HDAC9: variants seen among roughly 807,000 people sequenced by gnomAD.
The protein encoded by HDAC9 is histone deacetylase 9.
Under a neutral mutation model 139.4 loss-of-function variants are expected in HDAC9, and 41 were observed. The observed-to-expected ratio is 0.29, with a 90% CI of 0.23 to 0.38. HDAC9 has a LOEUF of 0.38. Among genes scored for constraint, HDAC9 ranks in the 10% least tolerant of loss-of-function variants. HDAC9 has a pLI of 1.00. For missense variants in HDAC9, 1,147 were observed against 1,297.0 expected, an observed-to-expected ratio of 0.88 and a Z score of 1.78; for synonymous variants, 517 against 476.2, an observed-to-expected ratio of 1.09 and a Z score of -1.12.
chr7:18,272,089 G>A (rs1193609864), intron 2 of HDAC9, among the ~76,000 whole-genome samples: 3 of 152,158 alleles, frequency 2.0e-5, no homozygotes, highest in African/African-American at 7.2e-5. Context: ...TTTTGGAAAT[G>A]TGAATTTTAG....
intron 23 of HDAC9, among the ~76,000 whole-genome samples, chr7:18,951,916 T>C (rs754025059): frequency 1.7e-4 from 26 of 151,932 alleles, no homozygotes; most frequent in Non-Finnish European, 2.9e-4. Context: ...TACAAGATTT[T>C]AATTTTATAA....
At chr7:18,744,362 A>G (rs1049704616) in intron 13 of HDAC9, among the ~76,000 whole-genome samples, 4 of 152,208 alleles carry the variant, frequency 2.6e-5, no homozygotes, top group Non-Finnish European at 4.4e-5. Context: ...TGAGCATTCA[A>G]TAACTGTCTA....
chr7:18,963,142 G>A (rs1278969864), intron 24 of HDAC9, among the ~76,000 whole-genome samples: 1 of 152,164 alleles, frequency 6.6e-6, no homozygotes, highest in Admixed American at 6.6e-5. Context: ...TTGCTAGAAT[G>A]TCAGCAAATA....
At chr7:18,092,146 C>A (rs1011290260) in intron 1 of HDAC9, among the ~76,000 whole-genome samples, 3 of 152,154 alleles carry the variant, frequency 2.0e-5, no homozygotes, top group African/African-American at 7.2e-5. Context: ...AGCACTTTGG[C>A]AGGCCAAGGC....
intron 6 of HDAC9, among the ~76,000 whole-genome samples, chr7:18,617,069 C>T (rs73309467): frequency 0.026 from 4,014 of 152,200 alleles, 177 homozygotes; most frequent in African/African-American, 0.092. Context: ...TTATTTCATC[C>T]AGTACTAACT....
At chr7:18,767,179 C>T in intron 16 of HDAC9, 24 bp downstream of exon 16, 1 of 1,388,916 alleles carries the variant, frequency 7.2e-7, no homozygotes, top group Non-Finnish European at 9.9e-7. Context: ...GGTTTACTGC[C>T]TTTAAATAAC....
At chr7:18,745,442 G>C (rs1256991351) in intron 13 of HDAC9, among the ~76,000 whole-genome samples, 1 of 152,008 alleles carries the variant, frequency 6.6e-6, no homozygotes, top group Non-Finnish European at 1.5e-5. Flanking sequence ...TCATTAAAAG[G>C]GGGAAACATT....
intron 25 of HDAC9, among the ~76,000 whole-genome samples, chr7:18,988,355 C>A (rs563894461): frequency 6.6e-6 from 1 of 151,932 alleles, no homozygotes; most frequent in African/African-American, 2.4e-5. Context: ...TGTTCAGTTT[C>A]CATGTAGTTG....
At chr7:18,721,856 A>T (rs987849687) in intron 12 of HDAC9, among the ~76,000 whole-genome samples, 1 of 152,198 alleles carries the variant, frequency 6.6e-6, no homozygotes, top group Non-Finnish European at 1.5e-5. Flanking sequence ...CACCCCCAAG[A>T]AAATATTTAA....
At chr7:18,781,482 C>A (rs1200349271) in intron 16 of HDAC9, among the ~76,000 whole-genome samples, 1 of 152,016 alleles carries the variant, frequency 6.6e-6, no homozygotes, top group Non-Finnish European at 1.5e-5. Flanking sequence ...TTAATAGGGT[C>A]CAGCACCTAG....
At chr7:18,316,018 T>C (rs1173249124) in intron 1 of HDAC9, among the ~76,000 whole-genome samples, 2 of 152,192 alleles carry the variant, frequency 1.3e-5, no homozygotes, top group Non-Finnish European at 2.9e-5. Context: ...CATAGGGTGG[T>C]TGTGAGAATG....
At chr7:18,910,154 A>G (rs776944553) in intron 22 of HDAC9, among the ~76,000 whole-genome samples, 14 of 151,942 alleles carry the variant, frequency 9.2e-5, no homozygotes, top group Non-Finnish European at 1.6e-4. Context: ...TTTGGGTAAC[A>G]AGGCTATTTT....
chr7:18,956,298 C>A (rs1449163377), intron 24 of HDAC9, among the ~76,000 whole-genome samples: 2 of 152,026 alleles, frequency 1.3e-5, no homozygotes, highest in Non-Finnish European at 2.9e-5. Flanking sequence ...TTCTCAAGAC[C>A]AATATGTGTT....
intron 24 of HDAC9, among the ~76,000 whole-genome samples, chr7:18,954,953 G>C (rs1372314599): frequency 6.6e-6 from 1 of 152,006 alleles, no homozygotes; most frequent in African/African-American, 2.4e-5. Flanking sequence ...GCAATTTGGA[G>C]ATATGGGTTG....
chr7:18,976,000 C>T, intron 25 of HDAC9, 47 bp downstream of exon 25: 5 of 1,570,496 alleles, frequency 3.2e-6, no homozygotes, highest in Middle Eastern at 4.4e-4. Context: ...CATATCCAGG[C>T]TCATCGTTGA....
At chr7:18,480,316 A>G (rs1012933702) in intron 1 of HDAC9, among the ~76,000 whole-genome samples, 1 of 152,180 alleles carries the variant, frequency 6.6e-6, no homozygotes, top group Non-Finnish European at 1.5e-5. Flanking sequence ...GTCAAGATTG[A>G]GTCCGAATCT....
At chr7:18,859,811 CATATATATATATAT>C (rs56249427) in intron 21 of HDAC9, among the ~76,000 whole-genome samples, 2,536 of 44,838 alleles carry the variant, frequency 0.057, 118 homozygotes, top group African/African-American at 0.12. Context: ...CTAACGCTCT[CATATATATATATAT>C]ATATATATAT....
chr7:18,580,437 G>A (rs1054467168), intron 2 of HDAC9, among the ~76,000 whole-genome samples: 1 of 152,080 alleles, frequency 6.6e-6, no homozygotes, highest in African/African-American at 2.4e-5. Flanking sequence ...CTGGGCATTT[G>A]GAACATAATA....
chr7:18,720,497 C>T (rs1037799644), intron 12 of HDAC9, among the ~76,000 whole-genome samples: 1 of 151,398 alleles, frequency 6.6e-6, no homozygotes, highest in African/African-American at 2.4e-5. Context: ...ATTTTAAAGA[C>T]AAAATATACT....
Sources: gnomAD v4.1 joint callset for allele counts (sites outside exome capture counted in the v4.1 genomes callset) on GRCh38, gnomAD v4.1.1 for gene constraint, MANE v1.5 for transcripts, NCBI Gene and HGNC (gene_info 2026-07-23, HGNC 2026-07-21) for gene names.